DCC: variants seen among roughly 807,000 people sequenced by gnomAD.
The protein encoded by DCC is DCC netrin 1 receptor.
DCC carries 58 observed loss-of-function variants against 172.5 expected under a neutral mutation model. That is an observed-to-expected ratio of 0.34 (90% CI 0.27 to 0.42). The LOEUF is 0.42. DCC is among the 10% of genes least tolerant of loss of function. DCC has a pLI of 1.00. For synonymous variants in DCC, 709 were observed against 644.5 expected (o/e 1.10, Z -1.52); for missense variants, 1,740 against 1,791.0 (o/e 0.97, Z 0.51).
chr18:53,021,890 G>A (rs1288639700), intron 5 of DCC, among the ~76,000 whole-genome samples: 1 of 152,118 alleles, frequency 6.6e-6, no homozygotes, highest in African/African-American at 2.4e-5. Context: ...GTTTTATTTG[G>A]ACTTTATTCA....
chr18:53,464,426 A>G (rs2045594137), intron 24 of DCC, among the ~76,000 whole-genome samples: 1 of 152,192 alleles, frequency 6.6e-6, no homozygotes, highest in African/African-American at 2.4e-5. Flanking sequence ...TTTGAATTAT[A>G]TACATGTCTA....
chr18:52,723,512 C>A (rs4641847), intron 1 of DCC, among the ~76,000 whole-genome samples: 123,192 of 152,076 alleles, frequency 0.81, 50,374 homozygotes, highest in East Asian at 0.93. Context: ...TGGCTTCAGC[C>A]GTCCCTCAGA....
intron 27 of DCC, among the ~76,000 whole-genome samples, chr18:53,520,514 A>C (rs2046388062): frequency 6.6e-6 from 1 of 152,092 alleles, no homozygotes; most frequent in African/African-American, 2.4e-5. Context: ...TAGCCCCATG[A>C]AAGAACAGAG....
intron 14 of DCC, among the ~76,000 whole-genome samples, chr18:53,327,009 C>T (rs1779370657): frequency 6.6e-6 from 1 of 152,094 alleles, no homozygotes; most frequent in African/African-American, 2.4e-5. Context: ...TAACTCTGAG[C>T]CCTGCAAGTC....
At chr18:53,481,673 A>G (rs940390932) in intron 25 of DCC, among the ~76,000 whole-genome samples, 1 of 152,176 alleles carries the variant, frequency 6.6e-6, no homozygotes, top group Non-Finnish European at 1.5e-5. Flanking sequence ...AAATCTCTCA[A>G]TTCTGTCAAG....
chr18:53,132,071 T>C (rs1256691030), intron 7 of DCC, among the ~76,000 whole-genome samples: 1 of 150,946 alleles, frequency 6.6e-6, no homozygotes, highest in Non-Finnish European at 1.5e-5. Context: ...GACACTTTTA[T>C]AGTGAAAGTG....
At chr18:53,096,985 GAAGA>G (rs1461877718) in intron 7 of DCC, among the ~76,000 whole-genome samples, 7 of 152,150 alleles carry the variant, frequency 4.6e-5, no homozygotes, top group South Asian at 2.1e-4. Context: ...AAGAAAGAAA[GAAGA>G]AAGGAAGAAA....
At chr18:53,232,619 C>T (rs1169893578) in intron 12 of DCC, among the ~76,000 whole-genome samples, 2 of 152,122 alleles carry the variant, frequency 1.3e-5, no homozygotes, top group African/African-American at 4.8e-5. Context: ...TGTCTTCATG[C>T]ACTTATTCAA....
intron 1 of DCC, among the ~76,000 whole-genome samples, chr18:52,544,714 GTAGATATAGA>G (rs67420953): frequency 5.3e-4 from 80 of 152,174 alleles, no homozygotes; most frequent in African/African-American, 1.6e-3. Context: ...AAAAATATAT[GTAGATATAGA>G]TAGATATAGA....
Position 53,532,789 on chromosome 18 carries a change from A to C in DCC, c.*2136A>C, listed in dbSNP as rs1464132944. 6.6e-6 allele frequency: 1 copy of C among 150,414 alleles called. No individual in the cohort carries two copies. 9.3% of individuals were successfully genotyped at this position (150,414 alleles called of 1,614,324 possible). Reference sequence around the variant, plus strand: ...TCTCAGATTTTAGGGATTGAGTCACACCTTCAATCTATAGAATGAAGTTGA... The same window carrying C: ...TCTCAGATTTTAGGGATTGAGTCACCCCTTCAATCTATAGAATGAAGTTGA... On this transcript the variant is annotated 3_prime_UTR_variant, in exon 29 of 29. Coordinates refer to ENST00000442544, the MANE Select transcript of DCC (RefSeq NM_005215.4).
intron 19 of DCC, among the ~76,000 whole-genome samples, 181 bp downstream of exon 19, chr18:53,403,074 GCACACACA>G (rs3059148): frequency 0.38 from 55,720 of 145,598 alleles, 11,441 homozygotes; most frequent in Non-Finnish European, 0.48. Context: ...TTCTAATGGT[GCACACACA>G]CACACACACA....
chr18:52,525,387 C>G (rs1223795544), intron 1 of DCC, among the ~76,000 whole-genome samples: 1 of 152,228 alleles, frequency 6.6e-6, no homozygotes, highest in Non-Finnish European at 1.5e-5. Flanking sequence ...TCCTACCCAT[C>G]TGTAGCAATC....
chr18:53,221,359 G>A (rs572871924), intron 12 of DCC, among the ~76,000 whole-genome samples: 41 of 151,940 alleles, frequency 2.7e-4, no homozygotes, highest in Non-Finnish European at 4.3e-4. Flanking sequence ...TTGAAGCCAC[G>A]AGATTTTAGA....
intron 5 of DCC, among the ~76,000 whole-genome samples, chr18:53,020,537 G>A (rs1181783811): frequency 6.6e-6 from 1 of 152,122 alleles, no homozygotes; most frequent in African/African-American, 2.4e-5. Context: ...GTCTCATACT[G>A]TATTTCCTAA....
intron 22 of DCC, among the ~76,000 whole-genome samples, chr18:53,449,328 G>T (rs1030517894): frequency 1.3e-5 from 2 of 152,126 alleles, no homozygotes; most frequent in Admixed American, 1.3e-4. Flanking sequence ...GCTTAAGAAA[G>T]CTACGTCAAG....
At chr18:53,148,865 CTTTTT>C (rs5824990) in intron 7 of DCC, among the ~76,000 whole-genome samples, 1 of 109,818 alleles carries the variant, frequency 9.1e-6, no homozygotes. Flanking sequence ...TTCCCAATGC[CTTTTT>C]TTTTTTTTTT....
At chr18:52,961,896 G>T (rs2040848111) in intron 5 of DCC, among the ~76,000 whole-genome samples, 1 of 152,076 alleles carries the variant, frequency 6.6e-6, no homozygotes, top group African/African-American at 2.4e-5. Flanking sequence ...GGGAAAACTG[G>T]CTAGCCATAT....
intron 1 of DCC, among the ~76,000 whole-genome samples, chr18:52,475,622 GT>G (rs1459473548): frequency 6.6e-6 from 1 of 152,076 alleles, no homozygotes; most frequent in African/African-American, 2.4e-5. Flanking sequence ...GACAGAAAGG[GT>G]TTTTGCCATT....
intron 1 of DCC, among the ~76,000 whole-genome samples, chr18:52,580,381 G>A (rs2033517549): frequency 6.6e-6 from 1 of 152,158 alleles, no homozygotes; most frequent in Non-Finnish European, 1.5e-5. Flanking sequence ...TTCTGGATAA[G>A]AGACTTATTA....
Sources: allele counts gnomAD v4.1 joint callset (sites outside exome capture counted in the v4.1 genomes callset), GRCh38; gene constraint gnomAD v4.1.1; transcripts MANE v1.5; gene names NCBI Gene and HGNC (gene_info 2026-07-23, HGNC 2026-07-21).